Variants in MGMT observed in about 807,000 individuals in gnomAD.
MGMT encodes methylated-DNA--protein-cysteine methyltransferase.
A neutral mutation model predicts 15.9 loss-of-function variants in MGMT; 14 were observed. That is an observed-to-expected ratio of 0.88 (90% CI 0.58 to 1.37). The LOEUF is 1.37. MGMT is among the 40% of genes most tolerant of loss of function. The probability of loss-of-function intolerance (pLI) is 0.00; values close to 1 mark genes in which losing one functional copy is unlikely to be tolerated. For missense variants in MGMT, 282 were observed against 268.1 expected, an observed-to-expected ratio of 1.05 and a Z score of -0.36; for synonymous variants, 130 against 118.2, an observed-to-expected ratio of 1.10 and a Z score of -0.65.
At chr10:129,671,098 G>A (rs752975421) in intron 2 of MGMT, among the ~76,000 whole-genome samples, 2 of 152,084 alleles carry the variant, frequency 1.3e-5, no homozygotes, top group Admixed American at 6.5e-5. Context: ...TTTAATTTAC[G>A]AGAATTTTAT....
chr10:129,480,474 C>T (rs1448515201), intron 1 of MGMT, among the ~76,000 whole-genome samples: 1 of 152,184 alleles, frequency 6.6e-6, no homozygotes, highest in Non-Finnish European at 1.5e-5. Flanking sequence ...TTTCCTAATA[C>T]AGTCCTAAAA....
chr10:129,539,332 T>C (rs1174790965), intron 2 of MGMT, among the ~76,000 whole-genome samples: 1 of 152,228 alleles, frequency 6.6e-6, no homozygotes, highest in African/African-American at 2.4e-5. Context: ...TTAGTTGTTT[T>C]AGCATCATTT....
intron 4 of MGMT, among the ~76,000 whole-genome samples, chr10:129,766,402 T>C (rs946829913): frequency 1.3e-5 from 2 of 151,932 alleles, no homozygotes; most frequent in Admixed American, 6.6e-5. Flanking sequence ...ACCTGGGGAG[T>C]GTTTGAGAGC....
At chr10:129,616,481 TC>T (rs1847028133) in intron 2 of MGMT, among the ~76,000 whole-genome samples, 1 of 152,036 alleles carries the variant, frequency 6.6e-6, no homozygotes, top group Non-Finnish European at 1.5e-5. Flanking sequence ...GCCTGCAAAT[TC>T]CCAACAAGGG....
At chr10:129,495,888 C>T (rs1845515729) in intron 1 of MGMT, among the ~76,000 whole-genome samples, 1 of 152,190 alleles carries the variant, frequency 6.6e-6, no homozygotes, top group South Asian at 2.1e-4. Context: ...CCAGAGCATT[C>T]ACAGGCCAGA....
chr10:129,742,719 G>A (rs1848649237), intron 3 of MGMT, among the ~76,000 whole-genome samples: 1 of 147,538 alleles, frequency 6.8e-6, no homozygotes, highest in Non-Finnish European at 1.5e-5. Context: ...GCGTTCAGCA[G>A]TGCCCCACTA....
chr10:129,747,612 A>C (rs760994162), intron 3 of MGMT, among the ~76,000 whole-genome samples: 2 of 152,244 alleles, frequency 1.3e-5, no homozygotes, highest in Non-Finnish European at 2.9e-5. Context: ...GATGACATTT[A>C]CACTTGACAT....
At chr10:129,687,119 G>A (rs1847912969) in intron 2 of MGMT, among the ~76,000 whole-genome samples, 1 of 151,628 alleles carries the variant, frequency 6.6e-6, no homozygotes, top group South Asian at 2.1e-4. Flanking sequence ...TGAACCAAGG[G>A]GTAAGAACAA....
chr10:129,756,890 A>G (rs973769605), intron 3 of MGMT, among the ~76,000 whole-genome samples: 3 of 152,218 alleles, frequency 2.0e-5, no homozygotes, highest in Admixed American at 6.5e-5. Flanking sequence ...GTTAATGTCT[A>G]TGAGTGGATT....
In MGMT at chr10:129,738,382, G is replaced by T. The variant is rs533623125; in HGVS notation, c.275-20820G>T. 3.9e-4 allele frequency among the ~76,000 whole-genome samples: 59 copies of T among 152,352 alleles called. No individual in the cohort carries two copies. The Middle Eastern group carries it at 0.01, about 26-fold the overall frequency. The stretch of plus-strand genomic sequence containing the variant: ...GAACTCCCTGACCCCTTGCGCTTCC[G>T]GAGTGAGGCAATGCCTCGCCCTGCT... On this transcript the variant is annotated intron_variant, in intron 3 of 4. Coordinates refer to ENST00000651593, the MANE Select transcript of MGMT (RefSeq NM_002412.5).
chr10:129,652,641 T>C (rs74160256), intron 2 of MGMT, among the ~76,000 whole-genome samples: 1,724 of 152,308 alleles, frequency 0.011, 38 homozygotes, highest in African/African-American at 0.038. Context: ...TGGCTGCTGC[T>C]GTTGGTGTGC....
intron 2 of MGMT, among the ~76,000 whole-genome samples, chr10:129,540,146 T>C (rs932582820): frequency 1.3e-5 from 2 of 152,246 alleles, no homozygotes; most frequent in African/African-American, 4.8e-5. Flanking sequence ...TACTTTGTTC[T>C]TGATGGTATT....
intron 2 of MGMT, among the ~76,000 whole-genome samples, chr10:129,587,687 C>G (rs1204860524): frequency 6.6e-6 from 1 of 151,666 alleles, no homozygotes; most frequent in Non-Finnish European, 1.5e-5. Context: ...CCACCCGCCT[C>G]GGCTTCCCAA....
chr10:129,684,121 TTAA>T (rs1441159245), intron 2 of MGMT, among the ~76,000 whole-genome samples: 1 of 152,242 alleles, frequency 6.6e-6, no homozygotes, highest in Admixed American at 6.5e-5. Flanking sequence ...TTTTTGCCTA[TTAA>T]TAAACCCCTT....
chr10:129,591,516 G>T (rs1846685445), intron 2 of MGMT, among the ~76,000 whole-genome samples: 1 of 152,202 alleles, frequency 6.6e-6, no homozygotes, highest in Admixed American at 6.5e-5. Context: ...GTGTCCAAGA[G>T]TGATGCTGGG....
intron 2 of MGMT, among the ~76,000 whole-genome samples, chr10:129,542,560 T>C (rs1031408852): frequency 2.0e-5 from 3 of 152,192 alleles, no homozygotes; most frequent in African/African-American, 7.2e-5. Context: ...GACTTTTACC[T>C]GCGGCAAGTT....
intron 2 of MGMT, among the ~76,000 whole-genome samples, chr10:129,538,556 T>C (rs1472080613): frequency 6.6e-6 from 1 of 152,248 alleles, no homozygotes; most frequent in Non-Finnish European, 1.5e-5. Context: ...ATTTGCACTT[T>C]GCTGATGACT....
intron 3 of MGMT, among the ~76,000 whole-genome samples, chr10:129,754,970 C>T (rs1307709480): frequency 1.3e-5 from 2 of 152,228 alleles, no homozygotes; most frequent in East Asian, 1.9e-4. Context: ...CAGGCTTTGC[C>T]TCCAGGGCTC....
intron 2 of MGMT, among the ~76,000 whole-genome samples, chr10:129,601,059 T>C (rs1374803748): frequency 6.6e-6 from 1 of 151,588 alleles, no homozygotes; most frequent in Non-Finnish European, 1.5e-5. Context: ...TGCCTTTCCT[T>C]CTTGGTGGCA....
Sources: gnomAD v4.1 joint callset for allele counts (sites outside exome capture counted in the v4.1 genomes callset) on GRCh38, gnomAD v4.1.1 for gene constraint, MANE v1.5 for transcripts, NCBI Gene and HGNC (gene_info 2026-07-23, HGNC 2026-07-21) for gene names.